MMS22L: variants seen among roughly 807,000 people sequenced by gnomAD.
The protein encoded by MMS22L is protein MMS22-like.
A neutral mutation model predicts 159.1 loss-of-function variants in MMS22L; 74 were observed. That is an observed-to-expected ratio of 0.47 (90% CI 0.39 to 0.56). The LOEUF (loss-of-function observed/expected upper bound fraction) is 0.56. Ranked by LOEUF, MMS22L falls within the 20% of genes least tolerant of loss-of-function variation. The pLI is 0.00. For synonymous variants in MMS22L, 517 were observed against 506.9 expected (o/e 1.02, Z -0.27); for missense variants, 1,351 against 1,422.1 (o/e 0.95, Z 0.80).
intron 10 of MMS22L, among the ~76,000 whole-genome samples, chr6:97,249,329 ATGTT>A (rs915548386): frequency 6.6e-6 from 1 of 152,198 alleles, no homozygotes; most frequent in African/African-American, 2.4e-5. Context: ...CCCTTGGCTG[ATGTT>A]AATTTATATC....
intron 11 of MMS22L, among the ~76,000 whole-genome samples, chr6:97,240,922 C>T (rs180818692): frequency 2.0e-5 from 3 of 152,202 alleles, no homozygotes; most frequent in East Asian, 1.9e-4. Context: ...CCACCACACC[C>T]GGCCTGTACC....
intron 4 of MMS22L, among the ~76,000 whole-genome samples, chr6:97,276,378 GTAA>G (rs1816245808): frequency 1.3e-5 from 2 of 152,284 alleles, no homozygotes; most frequent in South Asian, 2.1e-4. Flanking sequence ...GTTAATAAGT[GTAA>G]TAATAATAAT....
intron 13 of MMS22L, chr6:97,230,864 G>C (rs915132232): frequency 2.0e-5 from 3 of 152,950 alleles, no homozygotes; most frequent in Admixed American, 1.3e-4. Context: ...TTCTTGAGAA[G>C]TCCCTACCTA....
chr6:97,276,110 ATG>A (rs2128098392), intron 4 of MMS22L, among the ~76,000 whole-genome samples: 1 of 152,306 alleles, frequency 6.6e-6, no homozygotes, highest in South Asian at 2.1e-4. Flanking sequence ...TGGAAGCATA[ATG>A]GCTAGAACAA....
intron 14 of MMS22L, among the ~76,000 whole-genome samples, chr6:97,210,446 G>A (rs1808251546): frequency 6.6e-6 from 1 of 151,880 alleles, no homozygotes; most frequent in Non-Finnish European, 1.5e-5. Context: ...TAAGAGAAAA[G>A]ATTCATTTAT....
At chr6:97,176,078 CG>C (rs1229922870) in intron 18 of MMS22L, among the ~76,000 whole-genome samples, 1 of 152,092 alleles carries the variant, frequency 6.6e-6, no homozygotes, top group Non-Finnish European at 1.5e-5. Flanking sequence ...AGAGTCAAAA[CG>C]TAATAAAATA....
At chr6:97,155,648 C>CT (rs1300538238) in intron 22 of MMS22L, among the ~76,000 whole-genome samples, 3 of 152,114 alleles carry the variant, frequency 2.0e-5, no homozygotes, top group African/African-American at 7.2e-5. Context: ...TGAACTCATC[C>CT]TTTTTTATGG....
chr6:97,168,308 T>A (rs2128250148), intron 19 of MMS22L, 68 bp from the exon 20 acceptor site: 3 of 1,458,512 alleles, frequency 2.1e-6, no homozygotes, highest in Non-Finnish European at 2.8e-6. Flanking sequence ...TCACTTAATT[T>A]AAAAATTTGT....
At chr6:97,148,394 A>G (rs1801015787) in intron 24 of MMS22L, among the ~76,000 whole-genome samples, 1 of 152,152 alleles carries the variant, frequency 6.6e-6, no homozygotes, top group Non-Finnish European at 1.5e-5. Flanking sequence ...TTCAGGAGGT[A>G]TTCCAGAAGA....
chr6:97,160,752 G>C (rs1249085644), intron 22 of MMS22L, among the ~76,000 whole-genome samples: 2 of 151,842 alleles, frequency 1.3e-5, no homozygotes, highest in African/African-American at 2.4e-5. Flanking sequence ...ACTTAATGGT[G>C]TTCCACATTT....
rs370292613 is a variant in MMS22L at position 97,257,314 on chromosome 6, A to C, written c.943-2581T>G. 1.1e-3 allele frequency among the ~76,000 whole-genome samples: 164 copies of C among 152,374 alleles called. 3 individuals carry two copies. Among genetic ancestry groups the C allele is most frequent in the African/African-American group, 3.7e-3 (152 of 41,594 alleles). ...CCTACTATACCATTATGCAGCAATC[A>C]TAAGGTGCATTTAGCTATCCCATCA... On this transcript the variant is annotated intron_variant, in intron 9 of 24. Coordinates refer to ENST00000683635, the MANE Select transcript of MMS22L (RefSeq NM_001350599.2).
In MMS22L at chr6:97,178,752, A is replaced by G. The variant is rs974983941; in HGVS notation, c.2537-167T>C. On this transcript the variant is annotated intron_variant, in intron 17 of 24. Coordinates refer to ENST00000683635, the MANE Select transcript of MMS22L (RefSeq NM_001350599.2). ...ATTTCCACACAAGGACTTCAAATTA[A>G]ATTTCTCTCACTTATGAACATCCTT... Among the ~76,000 whole-genome samples, 76 of 152,116 alleles carry G rather than the reference A, an allele frequency of 5.0e-4. 3 individuals carry two copies. Among genetic ancestry groups the G allele is most frequent in the Non-Finnish European group, 5.9e-5 (4 of 67,984 alleles).
chr6:97,277,681 C>T (rs900754104), intron 4 of MMS22L, among the ~76,000 whole-genome samples: 1 of 152,076 alleles, frequency 6.6e-6, no homozygotes, highest in African/African-American at 2.4e-5. Context: ...AATACCCACT[C>T]TTCAAATTGC....
chr6:97,184,496 A>T (rs867409911), intron 15 of MMS22L, among the ~76,000 whole-genome samples: 34 of 152,090 alleles, frequency 2.2e-4, no homozygotes, highest in Admixed American at 5.2e-4. Context: ...TGAACATCTT[A>T]AAAAAAATTA....
At chr6:97,187,906 G>A (rs760275531) in intron 14 of MMS22L, among the ~76,000 whole-genome samples, 1 of 151,926 alleles carries the variant, frequency 6.6e-6, no homozygotes, top group Non-Finnish European at 1.5e-5. Flanking sequence ...CCTTTACATT[G>A]GAATTCCTGG....
At position 97,185,745 on chromosome 6, in the gene MMS22L, T is replaced by C. The variant is rs373654103; in HGVS notation, c.2233+752A>G. On this transcript the variant is annotated intron_variant, in intron 15 of 24. Transcript: ENST00000683635. The stretch of plus-strand genomic sequence containing the variant: ...TCGTATACACTAGGATAAATATTGG[T>C]TTAAATCTTAGGTTTTTAAAACTAT... Among the ~76,000 whole-genome samples, 91 of 152,222 alleles carry C rather than the reference T, an allele frequency of 6.0e-4. 1 individual carries two copies. In the South Asian group the frequency reaches 0.018, roughly 31 times the overall value.
chr6:97,220,030 C>A (rs1217052438), intron 14 of MMS22L, among the ~76,000 whole-genome samples: 1 of 152,224 alleles, frequency 6.6e-6, no homozygotes, highest in Non-Finnish European at 1.5e-5. Flanking sequence ...ATTCCCCCAA[C>A]TTAACCTTTT....
At chr6:97,265,503 GA>G (rs2128080975) in intron 8 of MMS22L, 1 of 151,942 alleles carries the variant, frequency 6.6e-6, no homozygotes, top group African/African-American at 2.4e-5. Flanking sequence ...TGACAAATGG[GA>G]TTATATCAAA....
At chr6:97,195,730 G>T (rs1324146644) in intron 14 of MMS22L, among the ~76,000 whole-genome samples, 2 of 152,100 alleles carry the variant, frequency 1.3e-5, no homozygotes, top group African/African-American at 4.8e-5. Context: ...GTGATATAAT[G>T]AAAAAAGTGC....
Sources: allele counts gnomAD v4.1 joint callset (sites outside exome capture counted in the v4.1 genomes callset), GRCh38; gene constraint gnomAD v4.1.1; transcripts MANE v1.5; gene names NCBI Gene and HGNC (gene_info 2026-07-23, HGNC 2026-07-21).